PRELID2: variants seen among roughly 807,000 people sequenced by gnomAD.
PRELID2 encodes the protein PRELI domain containing 2, also known as PRELI domain-containing protein 2.
A neutral mutation model predicts 28.4 loss-of-function variants in PRELID2; 25 were observed. The observed-to-expected ratio is 0.88, with a 90% CI of 0.64 to 1.23. The LOEUF (loss-of-function observed/expected upper bound fraction) is 1.23, where lower values mean the gene tolerates loss of function less well. Among genes scored for constraint, PRELID2 ranks in the 50% most tolerant of loss-of-function variants. PRELID2 has a pLI of 0.00. For synonymous variants in PRELID2, 76 were observed against 71.6 expected, an observed-to-expected ratio of 1.06 and a Z score of -0.31; for missense variants, 201 against 214.4, an observed-to-expected ratio of 0.94 and a Z score of 0.39.
At chr5:145,617,756 A>C (rs1753719913) in intron 1 of PRELID2, among the ~76,000 whole-genome samples, 1 of 148,810 alleles carries the variant, frequency 6.7e-6, no homozygotes, top group South Asian at 2.1e-4. Flanking sequence ...AAATTGAGAC[A>C]GAGTTTTGCT....
intron 1 of PRELID2, among the ~76,000 whole-genome samples, chr5:145,668,365 TAA>T (rs200831248): frequency 4.2e-4 from 59 of 141,746 alleles, no homozygotes; most frequent in Admixed American, 5.7e-4. Flanking sequence ...TGAAGGTGGT[TAA>T]AAAAAAAAAA....
the PRELID2 span, among the ~76,000 whole-genome samples, chr5:145,455,728 T>A: frequency 6.6e-6 from 1 of 152,168 alleles, no homozygotes; most frequent in Non-Finnish European, 1.5e-5. Flanking sequence ...AGTTCACTCA[T>A]GATTTGGTTT....
In PRELID2 at chr5:145,803,871, A is replaced by C. The variant is rs117215903; in HGVS notation, c.369-7324T>G. On this transcript the variant is annotated intron_variant, in intron 4 of 6. Transcript: ENST00000683046. ...ATCACCATAAACCACTTGGCAATGA[A>C]GGGAATGAACCCCTTCCCCACCCCA... 7.8e-4 allele frequency among the ~76,000 whole-genome samples: 119 copies of C among 152,264 alleles called. No homozygotes were observed. The East Asian group carries it at 9.3e-3, about 12-fold the overall frequency.
chr5:145,677,820 A>G (rs1754850125), intron 1 of PRELID2, among the ~76,000 whole-genome samples: 1 of 152,196 alleles, frequency 6.6e-6, no homozygotes, highest in Non-Finnish European at 1.5e-5. Context: ...TTCATTAAAA[A>G]TTCACCACTG....
intron 1 of PRELID2, among the ~76,000 whole-genome samples, chr5:145,627,024 C>T (rs1419677388): frequency 1.4e-5 from 2 of 140,122 alleles, no homozygotes; most frequent in East Asian, 2.2e-4. Context: ...TGCTCAAACC[C>T]GGGAGGCAGA....
intron 1 of PRELID2, among the ~76,000 whole-genome samples, chr5:145,522,429 GAGAA>G (rs2126651725): frequency 6.6e-6 from 1 of 152,192 alleles, no homozygotes; most frequent in East Asian, 1.9e-4. Flanking sequence ...GAGAGAGAGA[GAGAA>G]AGAGAGACAG....
intron 1 of PRELID2, among the ~76,000 whole-genome samples, chr5:145,649,618 G>A (rs1754255326): frequency 6.6e-6 from 1 of 152,138 alleles, no homozygotes; most frequent in Non-Finnish European, 1.5e-5. Context: ...CCACACTTGA[G>A]TCTGGTTGTT....
intron 1 of PRELID2, among the ~76,000 whole-genome samples, chr5:145,503,002 T>G (rs926059680): frequency 6.6e-6 from 1 of 152,160 alleles, no homozygotes; most frequent in African/African-American, 2.4e-5. Flanking sequence ...ATACACTTTT[T>G]AACAATGAGA....
chr5:145,304,310 G>A, the PRELID2 span, among the ~76,000 whole-genome samples: 2 of 152,054 alleles, frequency 1.3e-5, no homozygotes, highest in African/African-American at 4.8e-5. Context: ...GTATAGTAAA[G>A]GAAATTGAGG....
intron 1 of PRELID2, among the ~76,000 whole-genome samples, chr5:145,517,917 C>G (rs1752530352): frequency 6.6e-6 from 1 of 152,074 alleles, no homozygotes; most frequent in Non-Finnish European, 1.5e-5. Context: ...TGCATGTTCT[C>G]ACTCATAAGT....
chr5:145,417,278 C>T, the PRELID2 span, among the ~76,000 whole-genome samples: 5 of 151,836 alleles, frequency 3.3e-5, no homozygotes, highest in African/African-American at 1.2e-4. Flanking sequence ...CAAATAAAAG[C>T]CCAAGACCAG....
the PRELID2 span, among the ~76,000 whole-genome samples, chr5:145,459,767 T>A: frequency 6.6e-6 from 1 of 152,072 alleles, no homozygotes; most frequent in Non-Finnish European, 1.5e-5. Context: ...TTATCTATAG[T>A]TTCCTAAATA....
the PRELID2 span, among the ~76,000 whole-genome samples, chr5:145,311,212 T>A: frequency 0.43 from 64,626 of 151,998 alleles, 14,514 homozygotes; most frequent in African/African-American, 0.58. Flanking sequence ...CTAGCACCTT[T>A]CCATGCTACC....
chr5:145,548,513 C>T (rs565881554), intron 1 of PRELID2, among the ~76,000 whole-genome samples: 67 of 152,238 alleles, frequency 4.4e-4, no homozygotes, highest in Non-Finnish European at 7.8e-4. Flanking sequence ...TTTCTCATTG[C>T]CCCCAGTTTC....
intron 4 of PRELID2, among the ~76,000 whole-genome samples, chr5:145,803,125 T>C (rs1313596665): frequency 2.0e-5 from 3 of 152,154 alleles, no homozygotes; most frequent in Non-Finnish European, 4.4e-5. Context: ...AGCATTCTCC[T>C]GTAAGCACAC....
intron 1 of PRELID2, among the ~76,000 whole-genome samples, chr5:145,736,964 G>T (rs2149732055): frequency 6.6e-6 from 1 of 152,178 alleles, no homozygotes; most frequent in Admixed American, 6.5e-5. Flanking sequence ...GAGCTCAGGA[G>T]AAGACCTCAG....
chr5:145,768,676 C>T (rs748789729), intron 5 of PRELID2, among the ~76,000 whole-genome samples: 2 of 152,172 alleles, frequency 1.3e-5, no homozygotes, highest in Non-Finnish European at 2.9e-5. Context: ...AGGTGAGGAC[C>T]TGCAAACTTT....
At chr5:145,645,621 C>G (rs901390274) in intron 1 of PRELID2, among the ~76,000 whole-genome samples, 5 of 152,070 alleles carry the variant, frequency 3.3e-5, no homozygotes, top group African/African-American at 7.2e-5. Context: ...GCAGTTTCTT[C>G]ATAGTGTCGA....
the PRELID2 span, among the ~76,000 whole-genome samples, chr5:145,352,177 G>A: frequency 6.6e-6 from 1 of 152,082 alleles, no homozygotes; most frequent in East Asian, 1.9e-4. Flanking sequence ...TGTGGAGGAG[G>A]GTCCAACTCC....
Sources: allele counts gnomAD v4.1 joint callset (sites outside exome capture counted in the v4.1 genomes callset), GRCh38; gene constraint gnomAD v4.1.1; transcripts MANE v1.5; gene names NCBI Gene and HGNC (gene_info 2026-07-23, HGNC 2026-07-21).